Variants in ADAMTS19 observed in about 807,000 individuals in gnomAD.
ADAMTS19 encodes ADAM metallopeptidase with thrombospondin type 1 motif 19.
A neutral mutation model predicts 153.3 loss-of-function variants in ADAMTS19; 93 were observed. The ratio of observed to expected loss-of-function variants is 0.61; its 90% CI spans 0.51 to 0.72. The LOEUF is 0.72. ADAMTS19 is among the 30% of genes least tolerant of loss of function. ADAMTS19 has a pLI of 0.00. For missense variants in ADAMTS19, 1,482 were observed against 1,552.1 expected, an observed-to-expected ratio of 0.95 and a Z score of 0.76; for synonymous variants, 600 against 556.6, an observed-to-expected ratio of 1.08 and a Z score of -1.10.
At chr5:129,555,188 G>A (rs1441954678) in intron 7 of ADAMTS19, among the ~76,000 whole-genome samples, 3 of 152,034 alleles carry the variant, frequency 2.0e-5, no homozygotes, top group African/African-American at 7.2e-5. Context: ...ATCATATAGG[G>A]TTGAATGATA....
chr5:129,685,830 G>A (rs1256451976), intron 18 of ADAMTS19, among the ~76,000 whole-genome samples: 1 of 152,140 alleles, frequency 6.6e-6, no homozygotes. Flanking sequence ...AAAGGAGAGA[G>A]CAAAAAAATT....
intron 2 of ADAMTS19, among the ~76,000 whole-genome samples, chr5:129,476,303 G>T (rs1750224710): frequency 6.6e-6 from 1 of 152,130 alleles, no homozygotes; most frequent in African/African-American, 2.4e-5. Flanking sequence ...CTACTCATTT[G>T]GAGGCATACA....
At chr5:129,624,370 A>G (rs1292889061) in intron 10 of ADAMTS19, among the ~76,000 whole-genome samples, 1 of 152,142 alleles carries the variant, frequency 6.6e-6, no homozygotes, top group Non-Finnish European at 1.5e-5. Flanking sequence ...TAGACAATCA[A>G]AAGTCTGGTC....
At chr5:129,467,340 T>C (rs1433267754) in intron 2 of ADAMTS19, among the ~76,000 whole-genome samples, 1 of 152,190 alleles carries the variant, frequency 6.6e-6, no homozygotes, top group Non-Finnish European at 1.5e-5. Context: ...AGACCAGTGG[T>C]TCTAATTGAA....
intron 7 of ADAMTS19, among the ~76,000 whole-genome samples, chr5:129,585,924 T>C (rs1386069149): frequency 6.6e-6 from 1 of 152,206 alleles, no homozygotes; most frequent in East Asian, 1.9e-4. Context: ...TTTTTTTCCT[T>C]TTCATTTTCA....
chr5:129,638,772 C>T (rs1024363743), intron 10 of ADAMTS19, among the ~76,000 whole-genome samples: 3 of 152,122 alleles, frequency 2.0e-5, no homozygotes, highest in African/African-American at 7.2e-5. Context: ...ATTATTACTT[C>T]AATGCATACG....
chr5:129,461,436 C>T lies in ADAMTS19; in HGVS notation c.426C>T (p.Ala142=). 7.0e-7 allele frequency: 1 copy of T among 1,422,948 alleles called. No individual in the cohort carries two copies. The highest frequency in any genetic ancestry group is 9.1e-7 in the Non-Finnish European group (1 of 1,099,714). 88.1% of individuals were successfully genotyped at this position (1,422,948 alleles called of 1,614,324 possible). ...SSGAAALSPG[A]PASWQPPPPP... ...GGGCTGCCGCCTTGTCCCCGGGCGC[C>T]CCGGCCTCGTGGCAGCCGCCGCCTC... The change falls in exon 2 of 23, where the codon GCC becomes GCT. Residue 142 remains alanine (A), a synonymous_variant. Coordinates refer to ENST00000274487, the MANE Select transcript of ADAMTS19 (RefSeq NM_133638.6). This position sits in a 1 kb window ranked among gnomAD's most constrained non-coding sequence, Gnocchi z 4.6.
At chr5:129,698,745 T>C (rs1195555854) in intron 19 of ADAMTS19, among the ~76,000 whole-genome samples, 2 of 152,182 alleles carry the variant, frequency 1.3e-5, no homozygotes, top group Admixed American at 6.5e-5. Context: ...AGTTCCATAG[T>C]TGGAAAAGAT....
chr5:129,464,072 A>G (rs1749777781), intron 2 of ADAMTS19, among the ~76,000 whole-genome samples: 1 of 152,220 alleles, frequency 6.6e-6, no homozygotes, highest in Non-Finnish European at 1.5e-5. Context: ...CAGGCAGAAA[A>G]AAAAGCTGGA....
At chr5:129,496,699 A>T (rs200133471) in intron 2 of ADAMTS19, among the ~76,000 whole-genome samples, 5 of 152,156 alleles carry the variant, frequency 3.3e-5, no homozygotes, top group African/African-American at 1.2e-4. Context: ...ACTAGGCTGG[A>T]ATTGCATGAG....
chr5:129,722,001 C>G (rs1757024446), intron 21 of ADAMTS19, among the ~76,000 whole-genome samples: 1 of 152,160 alleles, frequency 6.6e-6, no homozygotes, highest in South Asian at 2.1e-4. Context: ...CAATCTATCA[C>G]TGATACACAT....
chr5:129,467,579 T>C (rs553225856), intron 2 of ADAMTS19, among the ~76,000 whole-genome samples: 2 of 152,172 alleles, frequency 1.3e-5, no homozygotes, highest in East Asian at 1.9e-4. Flanking sequence ...TGATCTACAG[T>C]GGGATGTGTG....
At position 129,622,376 on chromosome 5, in the gene ADAMTS19, G is replaced by C. The variant is rs371526922; in HGVS notation, c.1770+28G>C. On this transcript the variant is annotated intron_variant, in intron 10 of 22. Transcript: ENST00000274487. ...AAAGATCCAGGTGGGGATTTTGTGC[G>C]TTCATTCATTGTTTAGAAGTATTGA... 14 of 1,612,598 alleles carry C rather than the reference G, an allele frequency of 8.7e-6. No homozygotes were observed. In the African/African-American group the frequency reaches 1.6e-4, roughly 18 times the overall value.
At chr5:129,517,310 G>A (rs1037133622) in intron 3 of ADAMTS19, among the ~76,000 whole-genome samples, 9 of 151,860 alleles carry the variant, frequency 5.9e-5, no homozygotes, top group Non-Finnish European at 1.0e-4. Flanking sequence ...TTGGCCTATA[G>A]TGCAGATTAA....
intron 8 of ADAMTS19, among the ~76,000 whole-genome samples, chr5:129,600,170 T>A (rs1336695442): frequency 6.6e-6 from 1 of 152,028 alleles, no homozygotes; most frequent in Non-Finnish European, 1.5e-5. Flanking sequence ...TGTTCATGGA[T>A]GTTAAATAAT....
At chr5:129,497,903 T>C (rs1365613634) in intron 2 of ADAMTS19, among the ~76,000 whole-genome samples, 1 of 152,120 alleles carries the variant, frequency 6.6e-6, no homozygotes, top group Non-Finnish European at 1.5e-5. Flanking sequence ...CCCTAGAATC[T>C]GTTTTCTGAA....
chr5:129,685,931 G>A (rs1237918146), intron 18 of ADAMTS19, among the ~76,000 whole-genome samples: 1 of 152,140 alleles, frequency 6.6e-6, no homozygotes, highest in African/African-American at 2.4e-5. Context: ...AGAAAAGATA[G>A]GTGTTCGGAA....
intron 21 of ADAMTS19, among the ~76,000 whole-genome samples, chr5:129,721,521 T>C (rs115345536): frequency 0.013 from 1,953 of 152,318 alleles, 34 homozygotes; most frequent in African/African-American, 0.043. Context: ...TCAAGGTAAA[T>C]GGACATTTCT....
At chr5:129,624,746 T>C (rs939872929) in intron 10 of ADAMTS19, among the ~76,000 whole-genome samples, 2 of 152,202 alleles carry the variant, frequency 1.3e-5, no homozygotes, top group African/African-American at 4.8e-5. Flanking sequence ...TGCAATTAAA[T>C]TTTGCTAGTG....
Sources: gnomAD v4.1 joint callset for allele counts (sites outside exome capture counted in the v4.1 genomes callset) on GRCh38, gnomAD v4.1.1 for gene constraint, Gnocchi (gnomAD v3.1) non-coding constraint, MANE v1.5 for transcripts, NCBI Gene and HGNC (gene_info 2026-07-23, HGNC 2026-07-21) for gene names.